The following CERS5 variants were observed in gnomAD, a reference collection of about 807,000 sequenced individuals.
CERS5 encodes the protein LAG1 homolog, ceramide synthase 5.
CERS5 carries 37 observed loss-of-function variants against 58.9 expected under a neutral mutation model. The ratio of observed to expected loss-of-function variants is 0.63; its 90% confidence interval spans 0.48 to 0.83. The LOEUF is 0.83. CERS5 is among the 40% of genes least tolerant of loss of function. The probability of loss-of-function intolerance (pLI) is 0.00; values close to 1 mark genes in which losing one functional copy is unlikely to be tolerated. For missense variants in CERS5, 398 were observed against 489.3 expected, an observed-to-expected ratio of 0.81 and a Z score of 1.76; for synonymous variants, 147 against 177.8, an observed-to-expected ratio of 0.83 and a Z score of 1.38.
intron 4 of CERS5, among the ~76,000 whole-genome samples, chr12:50,140,284 A>AT (rs57651378): frequency 0.011 from 1,078 of 96,176 alleles, 24 homozygotes; most frequent in Non-Finnish European, 0.013. Context: ...TAACTTCCAA[A>AT]TTTTTTTTTT....
In CERS5 at chr12:50,136,002, T is replaced by C; in HGVS notation, c.704A>G (p.Asn235Ser). 1 of 1,520,278 alleles carries C rather than the reference T, an allele frequency of 6.6e-7. No homozygotes were observed. The highest frequency in any genetic ancestry group is 8.8e-7 in the Non-Finnish European group (1 of 1,137,550). 94.2% of individuals were successfully genotyped at this position (1,520,278 alleles called of 1,614,324 possible). Reference protein sequence around the residue: ...IGLISFSYINNMVRVGTLIMC... With the variant: ...IGLISFSYINSMVRVGTLIMC... Reference sequence around the variant, plus strand: ...GATCAGAGTTCCCACTCGAACCATATTGTTGATGTAGGAGAAGGAGATAAG... The same window carrying C: ...GATCAGAGTTCCCACTCGAACCATACTGTTGATGTAGGAGAAGGAGATAAG... The change falls in exon 7 of 10, where the codon AAT (asparagine) becomes AGT (serine). Residue 235 changes from asparagine to serine, a missense_variant. Asn to Ser is a conservative substitution (Grantham distance 46). This residue lies in a region of CERS5 where 328 missense variants were observed against 384.5 expected (regional missense o/e 0.85). Coordinates refer to ENST00000317551, the MANE Select transcript of CERS5 (RefSeq NM_147190.5).
At chr12:50,148,538 A>C (rs1158412802) in intron 1 of CERS5, 1 of 343,504 alleles carries the variant, frequency 2.9e-6, no homozygotes, top group East Asian at 1.2e-4. Flanking sequence ...CAGAGGTTGC[A>C]GTGAGCTGAG....
At chr12:50,152,037 T>A (rs969197990) in intron 1 of CERS5, among the ~76,000 whole-genome samples, 11 of 152,174 alleles carry the variant, frequency 7.2e-5, no homozygotes, top group Non-Finnish European at 1.2e-4. Context: ...TCCTGAAACA[T>A]GGTGTTTCCT....
At position 50,156,437 on chromosome 12, in the gene CERS5, T is replaced by TATATATATATATAA. The variant is rs1197474516; in HGVS notation, c.197+10663_197+10664insTTATATATATATAT. On this transcript the variant is annotated intron_variant, in intron 1 of 9. Coordinates refer to ENST00000317551, the MANE Select transcript of CERS5 (RefSeq NM_147190.5). The stretch of plus-strand genomic sequence containing the variant: ...CAAACAAACTATATATATATATATA[T>TATATATATATATAA]AAAACAATTAGTAGCCAGGTGTGGT... Among the ~76,000 whole-genome samples, 640 of 107,438 alleles carry TATATATATATATAA rather than the reference T, an allele frequency of 6.0e-3. 36 individuals are homozygous for TATATATATATATAA. Among genetic ancestry groups the TATATATATATATAA allele is most frequent in the Middle Eastern group, 0.03 (6 of 198 alleles). The allele number at this position is 107,438 out of a possible 152,430, so 70.5% of individuals were successfully genotyped here.
rs1300670836 is a variant in CERS5 at position 50,143,979 on chromosome 12, A to G, written c.276T>C (p.Leu92=). 1 of 1,610,324 alleles carries G rather than the reference A, an allele frequency of 6.2e-7. No homozygotes were observed. The highest frequency in any genetic ancestry group is 1.1e-5 in the South Asian group (1 of 90,976). Residue 92 remains leucine, a synonymous_variant, in exon 2 of 10, where the codon CTT becomes CTC. Coordinates refer to ENST00000317551, the MANE Select transcript of CERS5 (RefSeq NM_147190.5). The part of the protein sequence containing the change: ...GPYQAQPNAI[L]EKVFISITKY... The stretch of plus-strand genomic sequence containing the variant: ...TGGTAATAGATATGAACACCTTTTC[A>G]AGGATGGCATTGGGTTGGGCCTGAT...
chr12:50,163,094 T>C (rs1328352551), intron 1 of CERS5, among the ~76,000 whole-genome samples: 2 of 152,224 alleles, frequency 1.3e-5, no homozygotes, highest in Non-Finnish European at 2.9e-5. Context: ...GATCAGGGTC[T>C]CGCTATGCTG....
At chr12:50,133,516 G>A (rs1209315397) in intron 9 of CERS5, 18 of 988,760 alleles carry the variant, frequency 1.8e-5, no homozygotes, top group Admixed American at 5.9e-5. Context: ...GTGGTGGCTT[G>A]TGAACTACCA....
At chr12:50,158,442 T>TC (rs767914187) in intron 1 of CERS5, among the ~76,000 whole-genome samples, 120 of 152,320 alleles carry the variant, frequency 7.9e-4, no homozygotes, top group Non-Finnish European at 1.0e-3. Flanking sequence ...TCTAAAACCA[T>TC]CACATATAGT....
chr12:50,147,188 G>C (rs1853938043), intron 1 of CERS5: 1 of 152,012 alleles, frequency 6.6e-6, no homozygotes. Context: ...CGGATCACGA[G>C]GTCAGGAGTT....
In CERS5 at chr12:50,134,552, CCT is replaced by C; in HGVS notation, c.1021_1022del (p.Arg341GlyfsTer7). On this transcript the variant is annotated frameshift_variant, in exon 9 of 10. Coordinates refer to ENST00000317551, the MANE Select transcript of CERS5 (RefSeq NM_147190.5). LOFTEE classifies it high-confidence loss of function. ...AGCCATCTTTCATCCTCACCTTTCC[CCT>C]GATCAAGGCTTTCAAAGCAATCCGT... ...IARIALKALI[R>X]GKVSKDDRSD... 6.2e-7 allele frequency: 1 copy of C among 1,614,138 alleles called. No homozygotes were observed. Among genetic ancestry groups the C allele is most frequent in the South Asian group, 1.1e-5 (1 of 91,074 alleles).
chr12:50,141,563 C>T (rs917193681), intron 4 of CERS5, among the ~76,000 whole-genome samples: 2 of 152,184 alleles, frequency 1.3e-5, no homozygotes, highest in East Asian at 3.9e-4. Context: ...TGAAGTCAGG[C>T]CCCAGACAGA....
chr12:50,164,311 T>G (rs2138303216), intron 1 of CERS5, among the ~76,000 whole-genome samples: 1 of 151,472 alleles, frequency 6.6e-6, no homozygotes, highest in Admixed American at 6.6e-5. Flanking sequence ...GGTGTGCACC[T>G]ATGGTCCTGG....
At chr12:50,134,909 T>C in intron 8 of CERS5, 2 of 571,124 alleles carry the variant, frequency 3.5e-6, no homozygotes, top group Non-Finnish European at 3.1e-6. Flanking sequence ...GAAAGATATA[T>C]AAATCTTAGG....
chr12:50,142,570 A>G (rs1375910892), intron 3 of CERS5, among the ~76,000 whole-genome samples: 1 of 149,098 alleles, frequency 6.7e-6, no homozygotes, highest in Non-Finnish European at 1.5e-5. Context: ...AAAAAAAGCC[A>G]AAGCAGCGTC....
chr12:50,148,946 A>ATATATATATATATATGTG (rs1420401358), intron 1 of CERS5, among the ~76,000 whole-genome samples: 8 of 103,144 alleles, frequency 7.8e-5, no homozygotes, highest in East Asian at 2.8e-4. Context: ...ATATATATAT[A>ATATATATATATATATGTG]TGTGTGTGTG....
chr12:50,148,661 T>C (rs2138149032), intron 1 of CERS5: 1 of 235,840 alleles, frequency 4.2e-6, no homozygotes, highest in South Asian at 3.5e-5. Context: ...CTTTGGGAGG[T>C]TGAGGCAGGC....
chr12:50,155,939 CTAAAAA>C (rs1197091687), intron 1 of CERS5, among the ~76,000 whole-genome samples: 1 of 148,036 alleles, frequency 6.8e-6, no homozygotes, highest in Non-Finnish European at 1.5e-5. Context: ...CCCGTCTCTA[CTAAAAA>C]TACAAAAATT....
intron 5 of CERS5, 32 bp from the exon 6 acceptor site, chr12:50,137,852 G>A (rs370748035): frequency 7.6e-6 from 11 of 1,441,140 alleles, no homozygotes; most frequent in East Asian, 6.8e-5. Flanking sequence ...TTAGATTACC[G>A]GCTAGTCAAA....
chr12:50,140,685 T>C (rs1029634242), intron 4 of CERS5, among the ~76,000 whole-genome samples: 6 of 152,174 alleles, frequency 3.9e-5, no homozygotes, highest in African/African-American at 1.4e-4. Flanking sequence ...ATTTTGAAAT[T>C]TACTGAGACT....
Sources: gnomAD v4.1 joint callset for allele counts (sites outside exome capture counted in the v4.1 genomes callset) on GRCh38, gnomAD v4.1.1 for gene constraint, gnomAD v4.1.1 regional missense constraint, MANE v1.5 for transcripts, NCBI Gene and HGNC (gene_info 2026-07-23, HGNC 2026-07-21) for gene names.